The following ANKRD27 variants were observed in gnomAD, a reference collection of about 807,000 sequenced individuals.
The protein encoded by ANKRD27 is ankyrin repeat domain 27, also known as ankyrin repeat domain-containing protein 27.
In ANKRD27, 112 loss-of-function variants were observed where a neutral mutation model predicts 129.7. The observed-to-expected ratio is 0.86, with a 90% CI of 0.74 to 1.01. The LOEUF (loss-of-function observed/expected upper bound fraction) is 1.01. Ranked by LOEUF, ANKRD27 falls within the 50% of genes least tolerant of loss-of-function variation. The pLI is 0.00. For synonymous variants in ANKRD27, 516 were observed against 511.2 expected, an observed-to-expected ratio of 1.01 and a Z score of -0.13; for missense variants, 1,258 against 1,300.5, an observed-to-expected ratio of 0.97 and a Z score of 0.50.
chr19:32,639,710 C>T (rs1180613269), intron 11 of ANKRD27, among the ~76,000 whole-genome samples: 1 of 152,114 alleles, frequency 6.6e-6, no homozygotes, highest in South Asian at 2.1e-4. Flanking sequence ...AGCTGATTAC[C>T]GTAAACTGAG....
At chr19:32,599,832 G>A in intron 27 of ANKRD27, 56 bp from the exon 28 acceptor site, 4 of 1,586,690 alleles carry the variant, frequency 2.5e-6, no homozygotes, top group Non-Finnish European at 3.4e-6. Flanking sequence ...GAAACACTCT[G>A]GTTGGCCACA....
chr19:32,620,109 C>G (rs1971985046), intron 18 of ANKRD27, among the ~76,000 whole-genome samples: 1 of 152,154 alleles, frequency 6.6e-6, no homozygotes, highest in Non-Finnish European at 1.5e-5. Context: ...CCAGTCAGCT[C>G]TGCCTGCCAG....
chr19:32,611,951 C>T (rs903746044), intron 22 of ANKRD27, among the ~76,000 whole-genome samples: 5 of 152,174 alleles, frequency 3.3e-5, no homozygotes, highest in Admixed American at 2.0e-4. Flanking sequence ...GTTGGCCAGG[C>T]TGGTCTCAAA....
chr19:32,638,951 G>A (rs922286520), intron 12 of ANKRD27: 7 of 313,304 alleles, frequency 2.2e-5, no homozygotes, highest in South Asian at 1.2e-4. Context: ...CAGCAGGCCC[G>A]AACAAAACTC....
chr19:32,599,853 A>AT (rs1971624585), intron 27 of ANKRD27, 77 bp from the exon 28 acceptor site: 4 of 1,538,070 alleles, frequency 2.6e-6, no homozygotes, highest in Non-Finnish European at 2.7e-6. Context: ...AGGTGGCAGC[A>AT]TTTTTGACAT....
Position 32,622,466 on chromosome 19 carries a change from T to C in ANKRD27, c.1783A>G (p.Asn595Asp), listed in dbSNP as rs766268070. The change falls in exon 18 of 29, where the codon AAC becomes GAC. Residue 595 changes from asparagine (N) to aspartate (D), a missense_variant. By Grantham distance (23) the Asn-to-Asp change is conservative (BLOSUM62 1). Transcript: ENST00000306065. ...TTGAGGGGCGTCTCCTTCAGTCTGT[T>C]CTGGATCTCGGTGGACGCTCCGTTC... The part of the protein sequence containing the change: ...LQNGASTEIQ[N>D]RLKETPLKCA... 1.2e-6 allele frequency: 2 copies of C among 1,613,948 alleles called. No homozygotes were observed. Among genetic ancestry groups the C allele is most frequent in the Non-Finnish European group, 1.7e-6 (2 of 1,180,016 alleles).
intron 26 of ANKRD27, 58 bp from the exon 27 acceptor site, chr19:32,600,108 A>G: frequency 1.6e-6 from 2 of 1,234,014 alleles, no homozygotes; most frequent in Non-Finnish European, 2.4e-6. Flanking sequence ...AGATTATTTT[A>G]AAATTACAGC....
rs1442943997 is a variant in ANKRD27 at position 32,661,245 on chromosome 19, A to ACC, written c.-30-2201_-30-2200insGG. Among the ~76,000 whole-genome samples the ACC allele has an allele frequency of 1.5e-3, 51 of 33,108 alleles. 1 individual carries two copies. The highest frequency in any genetic ancestry group is 2.5e-3 in the Admixed American group (7 of 2,832). 21.7% of individuals were successfully genotyped at this position (33,108 alleles called of 152,430 possible). On this transcript the variant is annotated intron_variant, in intron 1 of 28. Transcript: ENST00000306065. ...TACACACACACACACACACACACAC[A>ACC]CACACATATACTCACACCATCTCCT...
intron 9 of ANKRD27, among the ~76,000 whole-genome samples, chr19:32,642,882 A>C (rs1967227304): frequency 6.6e-6 from 1 of 152,126 alleles, no homozygotes; most frequent in African/African-American, 2.4e-5. Flanking sequence ...AGCTGCACAA[A>C]ACCCCGTGCC....
At chr19:32,617,729 T>C (rs1354428940) in intron 20 of ANKRD27, 96 bp from the exon 21 acceptor site, 1 of 569,662 alleles carries the variant, frequency 1.8e-6, no homozygotes, top group Non-Finnish European at 3.2e-6. Flanking sequence ...TGGCTTGATT[T>C]GTGGACTTTT....
chr19:32,669,372 A>T (rs1005960903), intron 1 of ANKRD27, among the ~76,000 whole-genome samples: 1 of 152,198 alleles, frequency 6.6e-6, no homozygotes, highest in Non-Finnish European at 1.5e-5. Context: ...TTCACTTATT[A>T]CTGGAGCCCA....
intron 10 of ANKRD27, among the ~76,000 whole-genome samples, chr19:32,641,137 G>A (rs1362050212): frequency 1.3e-5 from 2 of 151,594 alleles, no homozygotes; most frequent in East Asian, 1.9e-4. Flanking sequence ...TCCTGACCTC[G>A]TGATCTGCCC....
chr19:32,636,379 T>C (rs905038561), intron 12 of ANKRD27: 3 of 153,732 alleles, frequency 2.0e-5, no homozygotes, highest in Non-Finnish European at 2.9e-5. Flanking sequence ...GGAGACCCTA[T>C]GAAGGGGCTA....
At chr19:32,662,608 G>A (rs1209424878) in intron 1 of ANKRD27, among the ~76,000 whole-genome samples, 1 of 152,128 alleles carries the variant, frequency 6.6e-6, no homozygotes, top group African/African-American at 2.4e-5. Context: ...CAGGTGTGCT[G>A]GCACATGCCT....
rs754128354 is a variant in ANKRD27, at chr19:32,640,343, A to G, written c.947T>C (p.Leu316Pro). The G allele has an allele frequency of 6.2e-7, 1 of 1,614,024 alleles. No homozygotes were observed. The highest frequency in any genetic ancestry group is 1.1e-5 in the South Asian group (1 of 91,078). The change falls in exon 11 of 29, where the codon CTG becomes CCG. Residue 316 changes from leucine (L) to proline (P), a missense_variant. Coordinates refer to ENST00000306065, the MANE Select transcript of ANKRD27 (RefSeq NM_032139.3). ...TMCADDLLSV[L>P]LYLLVKTEIP... ...CTCCGTTTTCACAAGCAAGTATAACAGGACTGATAGCAGATCATCAGCACA... is the reference window on the plus strand; with the variant it reads ...CTCCGTTTTCACAAGCAAGTATAACGGGACTGATAGCAGATCATCAGCACA...
chr19:32,663,948 T>C (rs1254407405), intron 1 of ANKRD27, among the ~76,000 whole-genome samples: 1 of 146,136 alleles, frequency 6.8e-6, no homozygotes, highest in Non-Finnish European at 1.5e-5. Flanking sequence ...CCCAGCTACT[T>C]GGGAGGCTGA....
chr19:32,599,916 A>C (rs746400251), intron 27 of ANKRD27, 56 bp downstream of exon 27: 18 of 1,531,560 alleles, frequency 1.2e-5, no homozygotes, highest in Admixed American at 5.1e-5. Context: ...GCTTACGTGC[A>C]GCTTGGAGTA....
At chr19:32,601,945 C>T in intron 26 of ANKRD27, 70 bp downstream of exon 26, 1 of 936,754 alleles carries the variant, frequency 1.1e-6, no homozygotes, top group South Asian at 1.4e-5. Context: ...ATTAAATGAA[C>T]ACCAGCAACT....
intron 1 of ANKRD27, among the ~76,000 whole-genome samples, chr19:32,671,704 CA>C (rs1367943391): frequency 6.6e-6 from 1 of 152,160 alleles, no homozygotes; most frequent in Non-Finnish European, 1.5e-5. Flanking sequence ...AAAAACAAAA[CA>C]AACAAAAGAA....
Sources: allele counts gnomAD v4.1 joint callset (sites outside exome capture counted in the v4.1 genomes callset), GRCh38; gene constraint gnomAD v4.1.1; transcripts MANE v1.5; gene names NCBI Gene and HGNC (gene_info 2026-07-23, HGNC 2026-07-21).